Variants in MALRD1 observed in about 807,000 individuals in gnomAD.
MALRD1 encodes MAM and LDL-receptor class A domain-containing protein 1.
In MALRD1, 247 loss-of-function variants were observed where a neutral mutation model predicts 242.1. The ratio of observed to expected loss-of-function variants is 1.02; its 90% CI spans 0.92 to 1.13. MALRD1 has a LOEUF of 1.13. MALRD1 is among the 50% of genes most tolerant of loss of function. The probability of loss-of-function intolerance (pLI) is 0.00; values close to 1 mark genes in which losing one functional copy is unlikely to be tolerated. For missense variants in MALRD1, 2,989 were observed against 2,533.1 expected, an observed-to-expected ratio of 1.18 and a Z score of -3.86; for synonymous variants, 995 against 866.6, an observed-to-expected ratio of 1.15 and a Z score of -2.60.
intron 32 of MALRD1, among the ~76,000 whole-genome samples, chr10:19,549,194 G>T (rs1835376142): frequency 1.3e-5 from 2 of 152,202 alleles, no homozygotes; most frequent in Non-Finnish European, 2.9e-5. Flanking sequence ...GTAGAGGATG[G>T]TTAGTTCATG....
chr10:19,448,604 A>T (rs1259324325), intron 28 of MALRD1, among the ~76,000 whole-genome samples: 2 of 152,046 alleles, frequency 1.3e-5, no homozygotes, highest in Non-Finnish European at 2.9e-5. Flanking sequence ...TTATTCGGTC[A>T]TTGGGATTAT....
At chr10:19,454,022 T>C (rs1835482172) in intron 29 of MALRD1, among the ~76,000 whole-genome samples, 1 of 152,122 alleles carries the variant, frequency 6.6e-6, no homozygotes, top group Non-Finnish European at 1.5e-5. Flanking sequence ...ATCATGCCAC[T>C]GCACTCCAGC....
At chr10:19,595,921 A>G (rs1422488656) in intron 34 of MALRD1, among the ~76,000 whole-genome samples, 2 of 152,196 alleles carry the variant, frequency 1.3e-5, no homozygotes, top group South Asian at 2.1e-4. Context: ...TAATTACCTG[A>G]GTAAATGTCA....
chr10:19,595,889 A>G (rs979655147), intron 34 of MALRD1, among the ~76,000 whole-genome samples: 2 of 152,176 alleles, frequency 1.3e-5, no homozygotes, highest in African/African-American at 4.8e-5. Context: ...ATGGGTATGT[A>G]TAGTTAAGGA....
chr10:19,315,727 A>G (rs1317253878), intron 21 of MALRD1, among the ~76,000 whole-genome samples: 1 of 133,428 alleles, frequency 7.5e-6, no homozygotes, highest in East Asian at 2.1e-4. Flanking sequence ...ATTGCATATT[A>G]TAATGTTATA....
rs1447466593 is a variant in MALRD1 at position 19,048,942 on chromosome 10, C to T, written c.4C>T (p.Leu2Phe). The stretch of plus-strand genomic sequence containing the variant: ...CTCTAATAGACAATACCAAGTAATG[C>T]TCTTCTTCCTGGACAGAATGTTGGC... M[L>F]FFLDRMLAFP... The change falls in exon 1 of 40, where the codon CTC becomes TTC. Residue 2 changes from leucine to phenylalanine, a missense_variant. Coordinates refer to ENST00000454679, the MANE Select transcript of MALRD1 (RefSeq NM_001142308.3). 2 of 1,233,708 alleles carry T rather than the reference C, an allele frequency of 1.6e-6. No homozygotes were observed. The highest frequency in any genetic ancestry group is 3.2e-5 in the East Asian group (1 of 31,718). The allele number at this position is 1,233,708 out of a possible 1,614,324, so 76.4% of individuals were successfully genotyped here. A position where few individuals can be genotyped will look rare whatever the true frequency, so the allele number is the denominator to read the frequency against.
chr10:19,082,829 C>T (rs894655915), intron 2 of MALRD1, among the ~76,000 whole-genome samples: 6 of 151,936 alleles, frequency 3.9e-5, no homozygotes, highest in Non-Finnish European at 8.8e-5. Flanking sequence ...ATGTCACTGT[C>T]TTAGTCAATT....
In MALRD1 at chr10:19,543,868, C is replaced by T. The variant is rs73595836; in HGVS notation, c.5478+12517C>T. Among the ~76,000 whole-genome samples the T allele has an allele frequency of 6.2e-3, 949 of 152,222 alleles. 8 individuals carry two copies. Among genetic ancestry groups the T allele is most frequent in the African/African-American group, 0.019 (800 of 41,558 alleles). ...ACTGGAGTCTATGCTCCTGGGTTTC[C>T]ATCCTCAAGCCTGGCCCAAATAAAC... On this transcript the variant is annotated intron_variant, in intron 32 of 39. Transcript: ENST00000454679.
intron 32 of MALRD1, among the ~76,000 whole-genome samples, chr10:19,562,297 G>GTAGATAGATAGATAGATAGATAGA (rs78473002): frequency 6.9e-5 from 10 of 144,766 alleles, no homozygotes; most frequent in East Asian, 2.1e-4. Flanking sequence ...GCTGTCTTAG[G>GTAGATAGATAGATAGATAGATAGA]TAGATAGATA....
intron 5 of MALRD1, among the ~76,000 whole-genome samples, chr10:19,107,092 G>A (rs1836490388): frequency 6.6e-6 from 1 of 151,924 alleles, no homozygotes; most frequent in African/African-American, 2.4e-5. Flanking sequence ...ATGGGAAAAT[G>A]TGTATTTTGT....
chr10:19,249,112 T>C (rs1839193677), intron 18 of MALRD1, among the ~76,000 whole-genome samples: 1 of 151,088 alleles, frequency 6.6e-6, no homozygotes, highest in South Asian at 2.1e-4. Context: ...TGTGTGTTTA[T>C]ATATTTCTTT....
At chr10:19,529,149 G>A (rs1299151949) in intron 31 of MALRD1, among the ~76,000 whole-genome samples, 1 of 152,182 alleles carries the variant, frequency 6.6e-6, no homozygotes, top group Non-Finnish European at 1.5e-5. Context: ...AAGGGGGAAA[G>A]TAGCCATTTT....
intron 19 of MALRD1, among the ~76,000 whole-genome samples, chr10:19,277,318 A>G (rs895194626): frequency 1.5e-4 from 23 of 152,286 alleles, no homozygotes; most frequent in African/African-American, 4.3e-4. Flanking sequence ...TTAACAATCT[A>G]TTAATCATTT....
intron 14 of MALRD1, among the ~76,000 whole-genome samples, chr10:19,192,553 A>C (rs1029245915): frequency 6.0e-5 from 9 of 150,866 alleles, no homozygotes; most frequent in African/African-American, 1.9e-4. Flanking sequence ...GAATTCTGCC[A>C]ACCATCTAAA....
At chr10:19,311,866 G>A (rs1347090846) in intron 21 of MALRD1, among the ~76,000 whole-genome samples, 1 of 151,422 alleles carries the variant, frequency 6.6e-6, no homozygotes, top group Admixed American at 6.6e-5. Flanking sequence ...ATAAATTCCA[G>A]TTGTGACATT....
chr10:19,283,153 A>C lies in MALRD1; in HGVS notation c.3391A>C (p.Asn1131His). The C allele has an allele frequency of 6.5e-7, 1 of 1,548,306 alleles. No homozygotes were observed. Among genetic ancestry groups the C allele is most frequent in the African/African-American group, 1.4e-5 (1 of 73,062 alleles). Reference protein sequence around the residue: ...NGISIHHGEENHRPSVDHTQN... With the variant: ...NGISIHHGEEHHRPSVDHTQN... Reference sequence around the variant, plus strand: ...GATCAGCATTCATCATGGGGAAGAAAACCACAGGCCATCAGTGGATCATAC... The same window carrying C: ...GATCAGCATTCATCATGGGGAAGAACACCACAGGCCATCAGTGGATCATAC... Residue 1131 changes from asparagine to histidine, a missense_variant, in exon 21 of 40, where the codon AAC becomes CAC. Asn to His is a moderately conservative substitution (Grantham distance 68). Coordinates refer to ENST00000454679, the MANE Select transcript of MALRD1 (RefSeq NM_001142308.3).
At chr10:19,476,960 A>C (rs543872382) in intron 29 of MALRD1, among the ~76,000 whole-genome samples, 2 of 152,254 alleles carry the variant, frequency 1.3e-5, no homozygotes, top group African/African-American at 4.8e-5. Flanking sequence ...GAAAAACACT[A>C]ATGTTTTCAT....
intron 29 of MALRD1, among the ~76,000 whole-genome samples, chr10:19,452,634 A>G (rs949315059): frequency 2.0e-5 from 3 of 152,372 alleles, no homozygotes; most frequent in South Asian, 2.1e-4. Flanking sequence ...TTGAAAGACT[A>G]TGAATGGAAC....
rs150871383 is a variant in MALRD1 at position 19,407,080 on chromosome 10, C to T, written c.4845+17471C>T. On this transcript the variant is annotated intron_variant, in intron 28 of 39. Coordinates refer to ENST00000454679, the MANE Select transcript of MALRD1 (RefSeq NM_001142308.3). ...TTAGTCTTGACTCTACTCCCCACGC[C>T]CCAATTCTGGAATCTGGCTTCTATG... Among the ~76,000 whole-genome samples, 1,089 of 152,244 alleles carry T rather than the reference C, an allele frequency of 7.2e-3. 16 individuals carry two copies. Among genetic ancestry groups the T allele is most frequent in the African/African-American group, 0.025 (1,020 of 41,548 alleles).
Sources: allele counts gnomAD v4.1 joint callset (sites outside exome capture counted in the v4.1 genomes callset), GRCh38; gene constraint gnomAD v4.1.1; transcripts MANE v1.5; gene names NCBI Gene and HGNC (gene_info 2026-07-23, HGNC 2026-07-21).